PTPRT: variants seen among roughly 807,000 people sequenced by gnomAD.
The protein encoded by PTPRT is receptor-type tyrosine-protein phosphatase T.
Under a neutral mutation model 176.8 loss-of-function variants are expected in PTPRT, and 56 were observed. That is an observed-to-expected ratio of 0.32 (90% CI 0.26 to 0.40). PTPRT has a LOEUF of 0.40. Among genes scored for constraint, PTPRT ranks in the 10% least tolerant of loss-of-function variants. PTPRT has a pLI of 1.00. For synonymous variants in PTPRT, 783 were observed against 739.0 expected (o/e 1.06, Z -0.96); for missense variants, 1,540 against 1,908.2 (o/e 0.81, Z 3.60).
At chr20:42,259,958 A>T (rs1235091164) in intron 13 of PTPRT, among the ~76,000 whole-genome samples, 1 of 152,238 alleles carries the variant, frequency 6.6e-6, no homozygotes, top group Non-Finnish European at 1.5e-5. Context: ...AGTCCTGGAC[A>T]TTGCCTAACC....
the PTPRT span, among the ~76,000 whole-genome samples, chr20:42,043,528 G>A: frequency 6.6e-6 from 1 of 152,268 alleles, no homozygotes; most frequent in Non-Finnish European, 1.5e-5. Context: ...TTACCTTTCT[G>A]TGATGACTCA....
chr20:42,042,013 G>A, the PTPRT span, among the ~76,000 whole-genome samples: 1 of 152,142 alleles, frequency 6.6e-6, no homozygotes. Context: ...AAGCCTCATA[G>A]GCCTACTCAT....
At chr20:42,159,751 T>C (rs1189944475) in intron 17 of PTPRT, among the ~76,000 whole-genome samples, 1 of 152,168 alleles carries the variant, frequency 6.6e-6, no homozygotes, top group Non-Finnish European at 1.5e-5. Flanking sequence ...ACATTTTTGT[T>C]CTTATAAATA....
intron 12 of PTPRT, among the ~76,000 whole-genome samples, chr20:42,311,040 A>C (rs566428984): frequency 1.3e-5 from 2 of 152,216 alleles, no homozygotes; most frequent in Non-Finnish European, 2.9e-5. Flanking sequence ...CTTTATCCTC[A>C]TGCTGATAAT....
chr20:42,732,834 A>T (rs1020763637), intron 6 of PTPRT, among the ~76,000 whole-genome samples: 2 of 152,230 alleles, frequency 1.3e-5, no homozygotes, highest in African/African-American at 4.8e-5. Context: ...ACTGATTTTT[A>T]AAATTCAAGG....
intron 6 of PTPRT, among the ~76,000 whole-genome samples, chr20:42,709,326 G>A (rs1000229783): frequency 1.3e-5 from 2 of 152,156 alleles, no homozygotes; most frequent in African/African-American, 4.8e-5. Flanking sequence ...AGGTGTTTCG[G>A]TCATAGGGGT....
chr20:42,803,570 T>G (rs1241911753), intron 2 of PTPRT, among the ~76,000 whole-genome samples: 2 of 152,218 alleles, frequency 1.3e-5, no homozygotes, highest in Non-Finnish European at 2.9e-5. Flanking sequence ...TATTTATTTT[T>G]TGAGAAGGAG....
intron 7 of PTPRT, among the ~76,000 whole-genome samples, chr20:42,671,479 G>C (rs2075412081): frequency 6.6e-6 from 1 of 152,196 alleles, no homozygotes; most frequent in Non-Finnish European, 1.5e-5. Context: ...CAATGCTCTA[G>C]ACAAGAGAGT....
chr20:43,036,177 A>G (rs1250184169), intron 1 of PTPRT, among the ~76,000 whole-genome samples: 1 of 152,248 alleles, frequency 6.6e-6, no homozygotes, highest in Non-Finnish European at 1.5e-5. Flanking sequence ...CTGGTCATGT[A>G]AATCACTTGT....
At chr20:42,457,117 C>T (rs2070937863) in intron 8 of PTPRT, among the ~76,000 whole-genome samples, 1 of 152,096 alleles carries the variant, frequency 6.6e-6, no homozygotes, top group Non-Finnish European at 1.5e-5. Flanking sequence ...GTGAAATAAA[C>T]ACAAAAGCAT....
intron 9 of PTPRT, among the ~76,000 whole-genome samples, chr20:42,437,107 T>C (rs1261457834): frequency 1.3e-5 from 2 of 152,190 alleles, no homozygotes; most frequent in Non-Finnish European, 2.9e-5. Context: ...CAGATGTGCT[T>C]ATGTAGATCA....
chr20:43,182,960 C>T (rs1310384761), intron 1 of PTPRT, among the ~76,000 whole-genome samples: 1 of 152,188 alleles, frequency 6.6e-6, no homozygotes, highest in African/African-American at 2.4e-5. Context: ...ATGATCTATT[C>T]TCTCCCCCAC....
At chr20:42,874,446 A>T (rs899577144) in intron 2 of PTPRT, among the ~76,000 whole-genome samples, 1 of 152,242 alleles carries the variant, frequency 6.6e-6, no homozygotes, top group African/African-American at 2.4e-5. Flanking sequence ...TCCTCAAAAA[A>T]AAAGTTTTCG....
chr20:42,503,669 G>A (rs999592554), intron 7 of PTPRT, among the ~76,000 whole-genome samples: 3 of 151,868 alleles, frequency 2.0e-5, no homozygotes, highest in South Asian at 2.1e-4. Flanking sequence ...TTTTATACTT[G>A]TCAACTGGAT....
chr20:42,767,755 G>T (rs1392163131), intron 5 of PTPRT, among the ~76,000 whole-genome samples: 2 of 141,624 alleles, frequency 1.4e-5, no homozygotes, highest in Non-Finnish European at 3.1e-5. Flanking sequence ...GCTATATAAA[G>T]ATTATATATT....
intron 7 of PTPRT, among the ~76,000 whole-genome samples, chr20:42,609,064 T>G (rs543675872): frequency 6.6e-6 from 1 of 152,078 alleles, no homozygotes; most frequent in African/African-American, 2.4e-5. Context: ...TACAGAACAC[T>G]CCAACACTTT....
At chr20:42,897,300 C>G (rs2079319398) in intron 1 of PTPRT, among the ~76,000 whole-genome samples, 1 of 152,202 alleles carries the variant, frequency 6.6e-6, no homozygotes, top group African/African-American at 2.4e-5. Context: ...AGTGTCTGAT[C>G]TGTTCATTTG....
chr20:42,539,603 C>T (rs1293656114), intron 7 of PTPRT, among the ~76,000 whole-genome samples: 1 of 149,402 alleles, frequency 6.7e-6, no homozygotes, highest in Non-Finnish European at 1.5e-5. Flanking sequence ...AACAAACAAG[C>T]AGAACAAAGC....
intron 7 of PTPRT, among the ~76,000 whole-genome samples, chr20:42,641,467 G>A (rs531701610): frequency 6.6e-5 from 10 of 152,126 alleles, no homozygotes; most frequent in East Asian, 1.9e-4. Flanking sequence ...TCGCTCCCTC[G>A]CCTGAAAATC....
Sources: gnomAD v4.1 joint callset for allele counts (sites outside exome capture counted in the v4.1 genomes callset) on GRCh38, gnomAD v4.1.1 for gene constraint, MANE v1.5 for transcripts, NCBI Gene and HGNC (gene_info 2026-07-23, HGNC 2026-07-21) for gene names.